The following ASCC1 variants were observed in gnomAD, a reference collection of about 807,000 sequenced individuals.
ASCC1 encodes activating signal cointegrator 1 complex subunit 1.
In ASCC1, 35 loss-of-function variants were observed where a neutral mutation model predicts 46.6. That is an observed-to-expected ratio of 0.75 (90% confidence interval 0.57 to 0.99). The LOEUF is 0.99. Among genes scored for constraint, ASCC1 ranks in the 50% least tolerant of loss-of-function variants. ASCC1 has a pLI of 0.00. For missense variants in ASCC1, 376 were observed against 428.7 expected (o/e 0.88, Z 1.09); for synonymous variants, 143 against 146.6 (o/e 0.98, Z 0.18).
At position 72,096,091 on chromosome 10, in the gene ASCC1, T is replaced by A. The variant is rs1841063390; in HGVS notation, c.*1243A>T. 2.2e-6 allele frequency: 1 copy of A among 453,950 alleles called. No homozygotes were observed. Among genetic ancestry groups the A allele is most frequent in the Non-Finnish European group, 4.4e-6 (1 of 226,756 alleles). 28.1% of individuals were successfully genotyped at this position (453,950 alleles called of 1,614,324 possible). On this transcript the variant is annotated 3_prime_UTR_variant, in exon 10 of 10. Coordinates refer to ENST00000672957, the MANE Select transcript of ASCC1 (RefSeq NM_001198800.3). ...CAGTCCCAATAATAAATCTCACTGT[T>A]AGACACAGTCCTCACAATGTAGCAA...
intron 5 of ASCC1, among the ~76,000 whole-genome samples, chr10:72,189,196 C>T (rs1254367800): frequency 1.3e-5 from 2 of 150,842 alleles, no homozygotes; most frequent in African/African-American, 2.4e-5. Context: ...GTCAGGAGAT[C>T]GAGACCATTC....
chr10:72,107,455 GGTA>G, intron 9 of ASCC1, among the ~76,000 whole-genome samples: 1 of 152,124 alleles, frequency 6.6e-6, no homozygotes, highest in Non-Finnish European at 1.5e-5. Flanking sequence ...AAATGTGGGA[GGTA>G]GGAAGAGGCA....
rs148244584 is a variant in ASCC1 at position 72,145,275 on chromosome 10, A to C, written c.746+7594T>G. ...TCTTTTTATGTATTGTTTGCATTTAATCTTTTTCCTCTTATCTACTGCTTC... is the reference window on the plus strand; with the variant it reads ...TCTTTTTATGTATTGTTTGCATTTACTCTTTTTCCTCTTATCTACTGCTTC... On this transcript the variant is annotated intron_variant, in intron 7 of 9. Coordinates refer to ENST00000672957, the MANE Select transcript of ASCC1 (RefSeq NM_001198800.3). Among the ~76,000 whole-genome samples the C allele has an allele frequency of 2.0e-5, 3 of 152,246 alleles. No homozygotes were observed. In the East Asian group the frequency reaches 5.8e-4, roughly 29 times the overall value.
At position 72,196,818 on chromosome 10, in the gene ASCC1, C is replaced by G; in HGVS notation, c.482G>C (p.Cys161Ser). The G allele has an allele frequency of 6.2e-7, 1 of 1,612,700 alleles. No individual in the cohort carries two copies. The change falls in exon 5 of 10, where the codon TGC (cysteine) becomes TCC (serine). Residue 161 changes from cysteine (C) to serine (S), a missense_variant. By Grantham distance (112) the Cys-to-Ser change is moderately radical (BLOSUM62 -1). Transcript: ENST00000672957. ...LRFQEEVLAK[C>S]SMDHGVDSSI... ...TGCTTTGTTTGCACTTACCATGGAG[C>G]ACTTCGCCAGTACTTCCTCCTGGAA...
At chr10:72,128,692 A>G (rs553828565) in intron 8 of ASCC1, among the ~76,000 whole-genome samples, 24 of 152,368 alleles carry the variant, frequency 1.6e-4, no homozygotes, top group South Asian at 8.3e-4. Context: ...CCTTACAGAT[A>G]TTCTACACAG....
intron 4 of ASCC1, among the ~76,000 whole-genome samples, chr10:72,199,034 C>T (rs2133324075): frequency 6.6e-6 from 1 of 152,134 alleles, no homozygotes; most frequent in Non-Finnish European, 1.5e-5. Context: ...CCAGGCTGGT[C>T]TCAAAATCTT....
At chr10:72,136,662 C>T (rs557535102) in intron 7 of ASCC1, among the ~76,000 whole-genome samples, 2 of 152,340 alleles carry the variant, frequency 1.3e-5, no homozygotes, top group East Asian at 3.9e-4. Flanking sequence ...CCCTTCCATG[C>T]TGTGGAAGCT....
At chr10:72,117,556 G>T (rs1375649880) in intron 9 of ASCC1, among the ~76,000 whole-genome samples, 1 of 152,022 alleles carries the variant, frequency 6.6e-6, no homozygotes, top group East Asian at 1.9e-4. Context: ...CTTTCTTCCA[G>T]TCTTTGATTA....
At chr10:72,214,615 G>C (rs985710280) in intron 1 of ASCC1, among the ~76,000 whole-genome samples, 1 of 151,902 alleles carries the variant, frequency 6.6e-6, no homozygotes, top group African/African-American at 2.4e-5. Flanking sequence ...GGCCTCAGGT[G>C]ATCCACCCGC....
At chr10:72,188,661 A>G (rs1853883939) in intron 5 of ASCC1, among the ~76,000 whole-genome samples, 1 of 152,194 alleles carries the variant, frequency 6.6e-6, no homozygotes, top group African/African-American at 2.4e-5. Context: ...CACTCCAAAT[A>G]ATACTAACAA....
At chr10:72,155,467 C>G (rs1848843067) in intron 6 of ASCC1, among the ~76,000 whole-genome samples, 1 of 152,088 alleles carries the variant, frequency 6.6e-6, no homozygotes, top group African/African-American at 2.4e-5. Flanking sequence ...TGTTCCACGT[C>G]TTGATTTGGG....
At chr10:72,141,040 G>C (rs1846907537) in intron 7 of ASCC1, among the ~76,000 whole-genome samples, 1 of 76,998 alleles carries the variant, frequency 1.3e-5, no homozygotes, top group South Asian at 4.3e-4. Context: ...ATTGTTTATA[G>C]ATAGATAGAT....
At chr10:72,155,169 T>C (rs1256283054) in intron 6 of ASCC1, among the ~76,000 whole-genome samples, 2 of 152,168 alleles carry the variant, frequency 1.3e-5, no homozygotes, top group East Asian at 3.8e-4. Context: ...TGGTTGCCTC[T>C]AGAGAGGAAA....
intron 9 of ASCC1, among the ~76,000 whole-genome samples, chr10:72,099,811 ACT>A (rs1053754522): frequency 2.0e-5 from 3 of 151,926 alleles, no homozygotes; most frequent in South Asian, 2.1e-4. Context: ...CAAGAGAGAA[ACT>A]CTGTCTCAAA....
intron 4 of ASCC1, among the ~76,000 whole-genome samples, chr10:72,202,987 A>G (rs1269638786): frequency 1.3e-5 from 2 of 152,174 alleles, no homozygotes; most frequent in Non-Finnish European, 2.9e-5. Flanking sequence ...CTGATAAACC[A>G]TAAAGACGCC....
At chr10:72,135,099 T>C (rs912005755) in intron 7 of ASCC1, among the ~76,000 whole-genome samples, 3 of 152,116 alleles carry the variant, frequency 2.0e-5, no homozygotes, top group African/African-American at 4.8e-5. Context: ...GGAGAAAAAG[T>C]TGCAAACGCT....
rs563002993 is a variant in ASCC1, at chr10:72,204,495, A to C, written c.213-971T>G. ...AACCCACAGTCGTTTGATGTGTTCA[A>C]GTGAATGAGACTACCGAATCCCAAG... On this transcript the variant is annotated intron_variant, in intron 3 of 9. Coordinates refer to ENST00000672957, the MANE Select transcript of ASCC1 (RefSeq NM_001198800.3). The C allele has an allele frequency of 1.9e-6, 3 of 1,550,498 alleles. No homozygotes were observed. The South Asian group carries it at 3.6e-5, about 18-fold the overall frequency.
At chr10:72,208,937 G>T (rs1056872058) in intron 3 of ASCC1, among the ~76,000 whole-genome samples, 1 of 152,124 alleles carries the variant, frequency 6.6e-6, no homozygotes, top group Non-Finnish European at 1.5e-5. Flanking sequence ...GCCAAGGCGG[G>T]TGGACTGCTT....
chr10:72,193,195 A>G (rs764978718), intron 5 of ASCC1, among the ~76,000 whole-genome samples: 3 of 152,232 alleles, frequency 2.0e-5, no homozygotes, highest in Non-Finnish European at 4.4e-5. Context: ...AAATGTTTAC[A>G]GCAGTTCTAA....
Sources: gnomAD v4.1 joint callset for allele counts (sites outside exome capture counted in the v4.1 genomes callset) on GRCh38, gnomAD v4.1.1 for gene constraint, MANE v1.5 for transcripts, NCBI Gene and HGNC (gene_info 2026-07-23, HGNC 2026-07-21) for gene names.